The following CNTNAP2 variants were observed in gnomAD, a reference collection of about 807,000 sequenced individuals.
The protein encoded by CNTNAP2 is contactin associated protein 2, also known as contactin-associated protein-like 2.
Under a neutral mutation model 155.2 loss-of-function variants are expected in CNTNAP2, and 98 were observed. The observed-to-expected ratio is 0.63, with a 90% CI of 0.54 to 0.75. The LOEUF (loss-of-function observed/expected upper bound fraction) is 0.75. Ranked by LOEUF, CNTNAP2 falls within the 30% of genes least tolerant of loss-of-function variation. The probability of loss-of-function intolerance (pLI) is 0.00; values close to 1 mark genes in which losing one functional copy is unlikely to be tolerated. For missense variants in CNTNAP2, 1,727 were observed against 1,688.1 expected (o/e 1.02, Z -0.40); for synonymous variants, 651 against 631.2 (o/e 1.03, Z -0.47).
intron 1 of CNTNAP2, among the ~76,000 whole-genome samples, chr7:146,139,094 C>T (rs1356376046): frequency 2.0e-5 from 3 of 152,086 alleles, no homozygotes; most frequent in Non-Finnish European, 4.4e-5. Flanking sequence ...CAGCATGATC[C>T]ACTATAGTGT....
rs138161027 is a variant in CNTNAP2 at position 146,372,388 on chromosome 7, AAGAGAT to A, written c.97+255419_97+255424del. Among the ~76,000 whole-genome samples, 1,423 of 152,254 alleles carry A rather than the reference AAGAGAT, an allele frequency of 9.3e-3. 22 individuals carry two copies. Among genetic ancestry groups the A allele is most frequent in the African/African-American group, 0.031 (1,307 of 41,548 alleles). On this transcript the variant is annotated intron_variant, in intron 1 of 23. Transcript: ENST00000361727. ...GGACACAAAAAGATAACAAACCAAA[AAGAGAT>A]AGACAGATAAAACACTTGAACCATT...
At chr7:146,759,195 G>C (rs1271490073) in intron 1 of CNTNAP2, among the ~76,000 whole-genome samples, 5 of 151,962 alleles carry the variant, frequency 3.3e-5, no homozygotes. Context: ...ATATATCCTA[G>C]AAATCAATGC....
At chr7:147,038,646 G>A (rs1258768200) in intron 3 of CNTNAP2, among the ~76,000 whole-genome samples, 1 of 152,120 alleles carries the variant, frequency 6.6e-6, no homozygotes, top group Non-Finnish European at 1.5e-5. Flanking sequence ...AGATCCCAAG[G>A]TGTGGTAGCT....
intron 14 of CNTNAP2, among the ~76,000 whole-genome samples, chr7:147,944,398 T>A (rs1426394778): frequency 1.3e-5 from 2 of 152,224 alleles, no homozygotes; most frequent in Admixed American, 1.3e-4. Flanking sequence ...AGAAATATTA[T>A]TTTAAAACAA....
chr7:147,806,257 A>T (rs1798088766), intron 13 of CNTNAP2, among the ~76,000 whole-genome samples: 1 of 152,214 alleles, frequency 6.6e-6, no homozygotes, highest in Non-Finnish European at 1.5e-5. Context: ...CATCACTAAT[A>T]ATCAGAGCAA....
At position 147,584,030 on chromosome 7, in the gene CNTNAP2, C is replaced by T. The variant is rs185616224; in HGVS notation, c.1897+21773C>T. Reference sequence around the variant, plus strand: ...CTTTTTAAGAACTCTGTCACCAATGCTTTTGTAGACAGAGAGAACCATTCA... The same window carrying T: ...CTTTTTAAGAACTCTGTCACCAATGTTTTTGTAGACAGAGAGAACCATTCA... On this transcript the variant is annotated intron_variant, in intron 12 of 23. Coordinates refer to ENST00000361727, the MANE Select transcript of CNTNAP2 (RefSeq NM_014141.6). 3.5e-3 allele frequency among the ~76,000 whole-genome samples: 527 copies of T among 152,208 alleles called. 4 individuals carry two copies. The highest frequency in any genetic ancestry group is 0.012 in the African/African-American group (509 of 41,542).
intron 8 of CNTNAP2, among the ~76,000 whole-genome samples, chr7:147,221,168 C>T (rs748222292): frequency 4.3e-4 from 65 of 152,022 alleles, no homozygotes; most frequent in Non-Finnish European, 7.8e-4. Context: ...TTCCTCCCAT[C>T]CCTTGTATCA....
chr7:148,138,927 A>G (rs991336476), intron 16 of CNTNAP2, among the ~76,000 whole-genome samples: 1 of 152,232 alleles, frequency 6.6e-6, no homozygotes, highest in East Asian at 1.9e-4. Context: ...AAAGGTGGTT[A>G]AATGCATAGA....
intron 21 of CNTNAP2, among the ~76,000 whole-genome samples, chr7:148,325,944 T>C (rs190186741): frequency 1.2e-4 from 18 of 152,294 alleles, no homozygotes; most frequent in East Asian, 3.9e-4. Flanking sequence ...AAACTTCTAC[T>C]GACTGACTGA....
chr7:147,160,903 TA>T (rs1802012619), intron 8 of CNTNAP2, among the ~76,000 whole-genome samples: 2 of 152,140 alleles, frequency 1.3e-5, no homozygotes, highest in African/African-American at 2.4e-5. Flanking sequence ...AGGCTGATCC[TA>T]AAGACTTTTT....
chr7:147,559,765 A>G (rs1800023251), intron 11 of CNTNAP2, among the ~76,000 whole-genome samples: 1 of 152,148 alleles, frequency 6.6e-6, no homozygotes, highest in East Asian at 1.9e-4. Flanking sequence ...AAAAATTAAC[A>G]AAACAGTTTT....
chr7:147,963,182 AT>A (rs529406957), intron 14 of CNTNAP2, among the ~76,000 whole-genome samples: 22 of 151,756 alleles, frequency 1.4e-4, no homozygotes, highest in African/African-American at 4.6e-4. Flanking sequence ...CTAGAGTTAG[AT>A]TTTTTTTTGT....
intron 12 of CNTNAP2, among the ~76,000 whole-genome samples, chr7:147,630,874 T>C (rs983182134): frequency 6.6e-6 from 1 of 152,006 alleles, no homozygotes; most frequent in African/African-American, 2.4e-5. Flanking sequence ...TTATACTGAA[T>C]GGGAAAAAGT....
At chr7:146,436,164 C>A (rs1193223415) in intron 1 of CNTNAP2, among the ~76,000 whole-genome samples, 1 of 152,078 alleles carries the variant, frequency 6.6e-6, no homozygotes, top group Non-Finnish European at 1.5e-5. Context: ...TAGCAATACT[C>A]TTAGAATAAA....
chr7:146,944,224 G>GTT (rs371117366), intron 3 of CNTNAP2, among the ~76,000 whole-genome samples: 9,151 of 143,570 alleles, frequency 0.064, 388 homozygotes, highest in African/African-American at 0.12. Context: ...TCATCTACAG[G>GTT]TTTTTTTTTT....
At position 146,791,354 on chromosome 7, in the gene CNTNAP2, G is replaced by C. The variant is rs1802670862; in HGVS notation, c.208+16973G>C. Among the ~76,000 whole-genome samples, 2 of 152,106 alleles carry C rather than the reference G, an allele frequency of 1.3e-5. 1 individual carries two copies. Among genetic ancestry groups the C allele is most frequent in the South Asian group, 4.1e-4 (2 of 4,824 alleles). ...CCAGTCTATCAGTGATGGGCATTTG[G>C]GTTGATTCCAAGTCCTTGCTATTGT... is the stretch of plus-strand genomic sequence containing the variant. On this transcript the variant is annotated intron_variant, in intron 2 of 23. Transcript: ENST00000361727.
rs75345402 is a variant in CNTNAP2 at position 147,183,634 on chromosome 7, A to G, written c.1348+51125A>G. 9.2e-3 allele frequency among the ~76,000 whole-genome samples: 1,397 copies of G among 152,308 alleles called. 18 individuals are homozygous for G. The highest frequency in any genetic ancestry group is 0.032 in the African/African-American group (1,343 of 41,546). On this transcript the variant is annotated intron_variant, in intron 8 of 23. Coordinates refer to ENST00000361727, the MANE Select transcript of CNTNAP2 (RefSeq NM_014141.6). ...AAATGTAACAAAATAGTGTGAAAGC[A>G]CTAATCCCCTATTCCCTATTTTCTT...
chr7:147,358,216 A>G (rs1223078120), intron 9 of CNTNAP2, among the ~76,000 whole-genome samples: 1 of 152,156 alleles, frequency 6.6e-6, no homozygotes, highest in Admixed American at 6.6e-5. Context: ...ACAGAAATAC[A>G]TACTTATAAA....
At chr7:147,570,104 G>A (rs6966095) in intron 12 of CNTNAP2, among the ~76,000 whole-genome samples, 68,081 of 152,014 alleles carry the variant, frequency 0.45, 15,441 homozygotes, top group East Asian at 0.61. Context: ...TCGTCACTCA[G>A]GATAATTACC....
Sources: allele counts gnomAD v4.1 joint callset (sites outside exome capture counted in the v4.1 genomes callset), GRCh38; gene constraint gnomAD v4.1.1; transcripts MANE v1.5; gene names NCBI Gene and HGNC (gene_info 2026-07-23, HGNC 2026-07-21).